Variants in WDR72 observed in about 807,000 individuals in gnomAD.
WDR72 encodes WD repeat-containing protein 72.
A neutral mutation model predicts 124.2 loss-of-function variants in WDR72; 120 were observed. The observed-to-expected ratio is 0.97, with a 90% CI of 0.83 to 1.12. The LOEUF (loss-of-function observed/expected upper bound fraction) is 1.12. WDR72 is among the 50% of genes most tolerant of loss of function. The pLI, the probability that WDR72 is intolerant of heterozygous loss-of-function variation, is 0.00. For missense variants in WDR72, 1,387 were observed against 1,278.8 expected, an observed-to-expected ratio of 1.08 and a Z score of -1.29; for synonymous variants, 452 against 441.7, an observed-to-expected ratio of 1.02 and a Z score of -0.29.
At chr15:53,527,756 A>T (rs927287065) in intron 18 of WDR72, among the ~76,000 whole-genome samples, 1 of 152,054 alleles carries the variant, frequency 6.6e-6, no homozygotes, top group South Asian at 2.1e-4. Flanking sequence ...ATTACACATT[A>T]ATCAGGGGCA....
In WDR72 at chr15:53,569,847, C is replaced by T. The variant is rs576352280; in HGVS notation, c.3148+27232G>A. Among the ~76,000 whole-genome samples, 5 of 152,078 alleles carry T rather than the reference C, an allele frequency of 3.3e-5. No homozygotes were observed. The South Asian group carries it at 1.0e-3, about 32-fold the overall frequency. On this transcript the variant is annotated intron_variant, in intron 18 of 19. Coordinates refer to ENST00000360509, the MANE Select transcript of WDR72 (RefSeq NM_182758.4). ...CTTTTATTTTGCTTATTTATCTTTACATAAACAATGAATCATAAAAACAAT... is the reference window on the plus strand; with the variant it reads ...CTTTTATTTTGCTTATTTATCTTTATATAAACAATGAATCATAAAAACAAT...
intron 19 of WDR72, among the ~76,000 whole-genome samples, chr15:53,520,225 T>C (rs61413867): frequency 0.05 from 7,555 of 152,172 alleles, 426 homozygotes; most frequent in African/African-American, 0.14. Flanking sequence ...TTGAACTGTG[T>C]TTGCATGGAA....
intron 18 of WDR72, among the ~76,000 whole-genome samples, chr15:53,565,140 A>G (rs935348898): frequency 6.6e-6 from 1 of 151,838 alleles, no homozygotes; most frequent in Admixed American, 6.6e-5. Context: ...TCTGGGTACA[A>G]TAAGTGTAAG....
At chr15:53,743,992 T>C (rs918652196) in intron 1 of WDR72, among the ~76,000 whole-genome samples, 2 of 148,054 alleles carry the variant, frequency 1.4e-5, no homozygotes, top group African/African-American at 5.2e-5. Flanking sequence ...AAAAAAAAAA[T>C]TTATCAAATG....
At chr15:53,639,871 T>A (rs1375812011) in intron 14 of WDR72, among the ~76,000 whole-genome samples, 1 of 152,164 alleles carries the variant, frequency 6.6e-6, no homozygotes, top group Non-Finnish European at 1.5e-5. Context: ...TCCCATGACA[T>A]TCTAATATCT....
chr15:53,565,282 A>G lies in WDR72; in HGVS notation c.3148+31797T>C, dbSNP rs369193680. ...TTTAAGAAGTTGAAAGGAAACTATCACGTAGGACTTTTTTTCTTTTCAATA... is the reference window on the plus strand; with the variant it reads ...TTTAAGAAGTTGAAAGGAAACTATCGCGTAGGACTTTTTTTCTTTTCAATA... On this transcript the variant is annotated intron_variant, in intron 18 of 19. Transcript: ENST00000360509. 2.2e-3 allele frequency among the ~76,000 whole-genome samples: 336 copies of G among 152,026 alleles called. 1 individual carries two copies. The South Asian group carries it at 0.024, about 11-fold the overall frequency.
intron 18 of WDR72, among the ~76,000 whole-genome samples, chr15:53,547,346 G>T (rs1906420): frequency 0.16 from 24,301 of 152,142 alleles, 2,569 homozygotes; most frequent in East Asian, 0.34. Flanking sequence ...TGGTCAGGCT[G>T]GTCTCGAACT....
At chr15:53,614,845 C>T (rs2013689644) in intron 15 of WDR72, among the ~76,000 whole-genome samples, 2 of 151,916 alleles carry the variant, frequency 1.3e-5, no homozygotes, top group South Asian at 4.2e-4. Context: ...AGTGTAATCT[C>T]AACACTCAAA....
chr15:53,636,557 T>A (rs947767849), intron 14 of WDR72, among the ~76,000 whole-genome samples: 1 of 152,164 alleles, frequency 6.6e-6, no homozygotes, highest in African/African-American at 2.4e-5. Flanking sequence ...ACAAACTATA[T>A]AAGAAATGTA....
At chr15:53,554,162 C>G (rs1595757052) in intron 18 of WDR72, among the ~76,000 whole-genome samples, 1 of 152,112 alleles carries the variant, frequency 6.6e-6, no homozygotes, top group Non-Finnish European at 1.5e-5. Flanking sequence ...CCCCTTTTAG[C>G]TTTCAACTGA....
chr15:53,677,984 G>A (rs573492477), intron 13 of WDR72, among the ~76,000 whole-genome samples: 1 of 152,220 alleles, frequency 6.6e-6, no homozygotes, highest in African/African-American at 2.4e-5. Context: ...GGGTGATTAG[G>A]GAAAGTATTT....
At chr15:53,586,558 G>A (rs2012224882) in intron 18 of WDR72, among the ~76,000 whole-genome samples, 1 of 152,020 alleles carries the variant, frequency 6.6e-6, no homozygotes, top group Non-Finnish European at 1.5e-5. Context: ...ATTCTGTACT[G>A]TAAAATAATT....
intron 14 of WDR72, 147 bp downstream of exon 14, chr15:53,665,425 G>T: frequency 1.1e-6 from 1 of 875,640 alleles, no homozygotes; most frequent in Non-Finnish European, 1.8e-6. Context: ...AAGTTATACT[G>T]ATTCACCCAA....
chr15:53,739,514 AATAG>A (rs1175456832), intron 1 of WDR72, among the ~76,000 whole-genome samples: 11 of 152,262 alleles, frequency 7.2e-5, no homozygotes, highest in African/African-American at 2.7e-4. Flanking sequence ...ACAAGAGTTA[AATAG>A]ATAGTAAGTT....
At chr15:53,733,199 CT>C in intron 1 of WDR72, 38 bp from the exon 2 acceptor site, 1 of 1,609,704 alleles carries the variant, frequency 6.2e-7, no homozygotes. Flanking sequence ...ACATGGTCAT[CT>C]TTTTGAAATT....
rs1893531576 is a variant in WDR72 at position 53,547,460 on chromosome 15, T to C, written c.3149-24138A>G. On this transcript the variant is annotated intron_variant, in intron 18 of 19. Coordinates refer to ENST00000360509, the MANE Select transcript of WDR72 (RefSeq NM_182758.4). The stretch of plus-strand genomic sequence containing the variant: ...TACTATTATAATATCATTCATTCTA[T>C]AAACAATGAGTGCTACTGGGTGACA... 2.0e-5 allele frequency among the ~76,000 whole-genome samples: 3 copies of C among 152,284 alleles called. No homozygotes were observed. The South Asian group carries it at 6.2e-4, about 32-fold the overall frequency.
chr15:53,656,947 T>C (rs998737398), intron 14 of WDR72, among the ~76,000 whole-genome samples: 36 of 151,876 alleles, frequency 2.4e-4, no homozygotes, highest in African/African-American at 8.7e-4. Flanking sequence ...TCTTAACAAA[T>C]TGTGAGAGGC....
chr15:53,615,372 A>G (rs896507645), intron 15 of WDR72, 54 bp downstream of exon 15: 175 of 1,355,590 alleles, frequency 1.3e-4, no homozygotes, highest in Non-Finnish European at 1.5e-4. Context: ...AAATAATGAT[A>G]TATATTTTTA....
intron 19 of WDR72, among the ~76,000 whole-genome samples, chr15:53,521,738 G>A (rs1891809707): frequency 6.6e-6 from 1 of 151,864 alleles, no homozygotes; most frequent in African/African-American, 2.4e-5. Flanking sequence ...TGGACATTTA[G>A]GTAAAAACCT....
Sources: gnomAD v4.1 joint callset for allele counts (sites outside exome capture counted in the v4.1 genomes callset) on GRCh38, gnomAD v4.1.1 for gene constraint, MANE v1.5 for transcripts, NCBI Gene and HGNC (gene_info 2026-07-23, HGNC 2026-07-21) for gene names.